Variants in ZNF490 observed in about 807,000 individuals in gnomAD.
The protein encoded by ZNF490 is zinc finger protein 490.
ZNF490 carries 11 observed loss-of-function variants against 17.7 expected under a neutral mutation model. The ratio of observed to expected loss-of-function variants is 0.62; its 90% CI spans 0.39 to 1.03. ZNF490 has a LOEUF of 1.03. Among genes scored for constraint, ZNF490 ranks in the 50% least tolerant of loss-of-function variants. The pLI is 0.00. For missense variants in ZNF490, 542 were observed against 643.4 expected, an observed-to-expected ratio of 0.84 and a Z score of 1.71; for synonymous variants, 222 against 216.1, an observed-to-expected ratio of 1.03 and a Z score of -0.24.
chr19:12,591,630 T>C (rs1287825258), intron 2 of ZNF490, among the ~76,000 whole-genome samples: 1 of 152,026 alleles, frequency 6.6e-6, no homozygotes, highest in Non-Finnish European at 1.5e-5. Context: ...CATCAAAACA[T>C]GCTCAACGTC....
chr19:12,597,174 G>A (rs773009785), intron 2 of ZNF490: 7 of 459,322 alleles, frequency 1.5e-5, no homozygotes, highest in South Asian at 6.1e-5. Context: ...GGAGGCTCCA[G>A]GAGTCCTCCC....
Position 12,604,824 on chromosome 19 carries a change from CA to C in ZNF490, c.162+4333del, listed in dbSNP as rs952724238. Among the ~76,000 whole-genome samples, 123 of 139,272 alleles carry C rather than the reference CA, an allele frequency of 8.8e-4. 1 individual carries two copies. Among genetic ancestry groups the C allele is most frequent in the African/African-American group, 2.9e-3 (112 of 38,122 alleles). The allele number at this position is 139,272 out of a possible 152,430, so 91.4% of individuals were successfully genotyped here. ...GGGCGACAAGAGCAAAACTCCGTCT[CA>C]AAAAAAAAATAATAATAATAATAAA... is the stretch of plus-strand genomic sequence containing the variant. On this transcript the variant is annotated intron_variant, in intron 2 of 4. Transcript: ENST00000311437.
chr19:12,584,011 C>T (rs747662432), intron 2 of ZNF490, among the ~76,000 whole-genome samples: 17 of 150,658 alleles, frequency 1.1e-4, no homozygotes, highest in African/African-American at 3.7e-4. Context: ...AGAGTTTCAC[C>T]GTGTTAGCCA....
intron 2 of ZNF490, among the ~76,000 whole-genome samples, chr19:12,590,214 C>CCCTCTCACCA: frequency 1.4e-5 from 2 of 144,692 alleles, no homozygotes; most frequent in East Asian, 4.3e-4. Context: ...CATGCCTGGC[C>CCCTCTCACCA]TTTTTTTTTT....
Position 12,577,562 on chromosome 19 carries a change from T to G in ZNF490, c.*2923A>C. On this transcript the variant is annotated 3_prime_UTR_variant, in exon 5 of 5. Coordinates refer to ENST00000311437, the MANE Select transcript of ZNF490 (RefSeq NM_020714.3). Reference sequence around the variant, plus strand: ...CTGGTGAGAGAAGCGAAGGTGTGCATCTCCTGGCTCAGCCACCAGGTCCTC... The same window carrying G: ...CTGGTGAGAGAAGCGAAGGTGTGCAGCTCCTGGCTCAGCCACCAGGTCCTC... 2 of 985,192 alleles carry G rather than the reference T, an allele frequency of 2.0e-6. No homozygotes were observed. Among genetic ancestry groups the G allele is most frequent in the Non-Finnish European group, 2.4e-6 (2 of 829,888 alleles). The allele number at this position is 985,192 out of a possible 1,614,324, so 61.0% of individuals were successfully genotyped here. A position where few individuals can be genotyped will look rare whatever the true frequency, so the allele number is the denominator to read the frequency against.
chr19:12,583,408 A>G (rs1437938584), intron 3 of ZNF490, 22 bp downstream of exon 3: 1 of 1,567,664 alleles, frequency 6.4e-7, no homozygotes, highest in Admixed American at 1.8e-5. Context: ...TTAATTAAGT[A>G]GAGAAATTAT....
intron 2 of ZNF490, among the ~76,000 whole-genome samples, chr19:12,588,201 G>A (rs1424986540): frequency 2.0e-5 from 3 of 151,982 alleles, no homozygotes; most frequent in East Asian, 1.9e-4. Context: ...GTTTCACCAC[G>A]TTGGTTAGGC....
At chr19:12,598,151 G>C (rs1305416032) in intron 2 of ZNF490, among the ~76,000 whole-genome samples, 2 of 151,812 alleles carry the variant, frequency 1.3e-5, no homozygotes, top group Non-Finnish European at 2.9e-5. Flanking sequence ...TTGAACCTGG[G>C]AGGCGGAGGT....
At chr19:12,596,514 T>C (rs1304250817) in intron 2 of ZNF490, among the ~76,000 whole-genome samples, 1 of 152,046 alleles carries the variant, frequency 6.6e-6, no homozygotes, top group African/African-American at 2.4e-5. Context: ...ACCCTGTATC[T>C]ACAAAATAAA....
At position 12,579,473 on chromosome 19, in the gene ZNF490, G is replaced by A. The variant is rs977028108; in HGVS notation, c.*1012C>T. The A allele has an allele frequency of 1.3e-4, 20 of 150,720 alleles. No homozygotes were observed. Among genetic ancestry groups the A allele is most frequent in the African/African-American group, 4.9e-4 (20 of 40,936 alleles). 9.3% of individuals were successfully genotyped at this position (150,720 alleles called of 1,614,324 possible). A position where few individuals can be genotyped will look rare whatever the true frequency, so the allele number is the denominator to read the frequency against. On this transcript the variant is annotated 3_prime_UTR_variant, in exon 5 of 5. Coordinates refer to ENST00000311437, the MANE Select transcript of ZNF490 (RefSeq NM_020714.3). ...GCCTGAGGCAGGATTGCTTTGACCTGGGAGGCAGAGGTTGCGCCACTTTCA... is the reference window on the plus strand; with the variant it reads ...GCCTGAGGCAGGATTGCTTTGACCTAGGAGGCAGAGGTTGCGCCACTTTCA...
chr19:12,599,999 T>C (rs755336193), intron 2 of ZNF490, among the ~76,000 whole-genome samples: 1 of 152,170 alleles, frequency 6.6e-6, no homozygotes, highest in Non-Finnish European at 1.5e-5. Context: ...AAAAAATCTA[T>C]AAAAATTGCC....
At chr19:12,589,993 C>A (rs1464453434) in intron 2 of ZNF490, among the ~76,000 whole-genome samples, 1 of 148,778 alleles carries the variant, frequency 6.7e-6, no homozygotes, top group East Asian at 2.0e-4. Context: ...CGGCTCACTG[C>A]AATCTCCGCC....
rs996572014 is a variant in ZNF490 at position 12,578,572 on chromosome 19, A to G, written c.*1913T>C. On this transcript the variant is annotated 3_prime_UTR_variant, in exon 5 of 5. Coordinates refer to ENST00000311437, the MANE Select transcript of ZNF490 (RefSeq NM_020714.3). ...CTCAAAACAGCCCTGGAATAATGCA[A>G]TGCTGACAATGTCTGTGAATTAGGA... The G allele has an allele frequency of 8.1e-6, 8 of 985,376 alleles. No individual in the cohort carries two copies. The highest frequency in any genetic ancestry group is 9.6e-6 in the Non-Finnish European group (8 of 829,960). The allele number at this position is 985,376 out of a possible 1,614,324, so 61.0% of individuals were successfully genotyped here. A position where few individuals can be genotyped will look rare whatever the true frequency, so the allele number is the denominator to read the frequency against.
At chr19:12,590,947 A>T (rs1266647324) in intron 2 of ZNF490, among the ~76,000 whole-genome samples, 1 of 151,976 alleles carries the variant, frequency 6.6e-6, no homozygotes, top group East Asian at 1.9e-4. Flanking sequence ...TTTTTTAAAT[A>T]AAAGAAAAAT....
At chr19:12,597,351 A>G in intron 2 of ZNF490, 1 of 328,436 alleles carries the variant, frequency 3.0e-6, no homozygotes, top group Non-Finnish European at 6.3e-6. Flanking sequence ...CTGACTGGAC[A>G]GTTTGTGTGC....
At chr19:12,600,591 T>C (rs2022991085) in intron 2 of ZNF490, among the ~76,000 whole-genome samples, 1 of 152,072 alleles carries the variant, frequency 6.6e-6, no homozygotes, top group Admixed American at 6.6e-5. Context: ...TTATCAGTAA[T>C]AATTATAATT....
chr19:12,599,529 G>C (rs2022976754), intron 2 of ZNF490, among the ~76,000 whole-genome samples: 1 of 152,198 alleles, frequency 6.6e-6, no homozygotes, highest in South Asian at 2.1e-4. Flanking sequence ...GAAGTTAGAT[G>C]CTAGAATGAG....
Position 12,580,313 on chromosome 19 carries a change from C to T in ZNF490, c.*172G>A. On this transcript the variant is annotated 3_prime_UTR_variant, in exon 5 of 5. Transcript: ENST00000311437. ...ATCCCGCAGGAGAGTGCAAGTTCCT[C>T]CCCCATTTGTTAAATATTTCATTGC... is the stretch of plus-strand genomic sequence containing the variant. 2.8e-6 allele frequency: 4 copies of T among 1,422,348 alleles called. No individual in the cohort carries two copies. Among genetic ancestry groups the T allele is most frequent in the East Asian group, 2.4e-5 (1 of 41,372 alleles). 88.1% of individuals were successfully genotyped at this position (1,422,348 alleles called of 1,614,324 possible).
chr19:12,577,989 T>A lies in ZNF490; in HGVS notation c.*2496A>T, dbSNP rs2022669266. 1.0e-6 allele frequency: 1 copy of A among 985,308 alleles called. No homozygotes were observed. Among genetic ancestry groups the A allele is most frequent in the South Asian group, 4.7e-5 (1 of 21,296 alleles). 61.0% of individuals were successfully genotyped at this position (985,308 alleles called of 1,614,324 possible). A position where few individuals can be genotyped will look rare whatever the true frequency, so the allele number is the denominator to read the frequency against. ...AGCAAGCAGTTTATTGGGAGTTGAG[T>A]TCACCTTGCCTTGTGATGTGAAGCA... On this transcript the variant is annotated 3_prime_UTR_variant, in exon 5 of 5. Coordinates refer to ENST00000311437, the MANE Select transcript of ZNF490 (RefSeq NM_020714.3).
Sources: gnomAD v4.1 joint callset for allele counts (sites outside exome capture counted in the v4.1 genomes callset) on GRCh38, gnomAD v4.1.1 for gene constraint, MANE v1.5 for transcripts, NCBI Gene and HGNC (gene_info 2026-07-23, HGNC 2026-07-21) for gene names.